The following ADAMTSL1 variants were observed in gnomAD, a reference collection of about 807,000 sequenced individuals.
ADAMTSL1 encodes the protein ADAMTS like 1.
Under a neutral mutation model 201.8 loss-of-function variants are expected in ADAMTSL1, and 126 were observed. The observed-to-expected ratio is 0.62, with a 90% CI of 0.54 to 0.72. ADAMTSL1 has a LOEUF of 0.72. Among genes scored for constraint, ADAMTSL1 ranks in the 30% least tolerant of loss-of-function variants. ADAMTSL1 has a pLI of 0.00. For missense variants in ADAMTSL1, 2,679 were observed against 2,277.8 expected, an observed-to-expected ratio of 1.18 and a Z score of -3.59; for synonymous variants, 1,121 against 903.4, an observed-to-expected ratio of 1.24 and a Z score of -4.32.
chr9:18,900,463 A>AAGAT (rs58338904), intron 26 of ADAMTSL1, among the ~76,000 whole-genome samples: 16,968 of 152,172 alleles, frequency 0.11, 1,101 homozygotes, highest in East Asian at 0.2. Flanking sequence ...TTCTATTACA[A>AAGAT]AGATACATGC....
intron 2 of ADAMTSL1, among the ~76,000 whole-genome samples, chr9:18,377,646 T>A (rs1346449926): frequency 3.9e-5 from 6 of 152,174 alleles, no homozygotes; most frequent in Non-Finnish European, 7.4e-5. Flanking sequence ...TTTGGCTCAC[T>A]GCAACCTCCA....
At chr9:18,791,803 C>G (rs920737283) in intron 19 of ADAMTSL1, among the ~76,000 whole-genome samples, 1 of 152,168 alleles carries the variant, frequency 6.6e-6, no homozygotes, top group Non-Finnish European at 1.5e-5. Flanking sequence ...ATCTCATGAT[C>G]TACATGTCAC....
chr9:18,170,123 A>G (rs1317210659), intron 2 of ADAMTSL1, among the ~76,000 whole-genome samples: 4 of 152,058 alleles, frequency 2.6e-5, no homozygotes, highest in Non-Finnish European at 4.4e-5. Flanking sequence ...CCTGTATTTT[A>G]CAAGACTTAC....
intron 20 of ADAMTSL1, among the ~76,000 whole-genome samples, chr9:18,807,229 G>A (rs555950368): frequency 4.3e-4 from 66 of 152,096 alleles, no homozygotes; most frequent in Non-Finnish European, 6.6e-4. Flanking sequence ...CTCTCATTCA[G>A]CTATAACACA....
At chr9:18,605,008 T>G (rs1217191818) in intron 4 of ADAMTSL1, among the ~76,000 whole-genome samples, 1 of 152,162 alleles carries the variant, frequency 6.6e-6, no homozygotes, top group Non-Finnish European at 1.5e-5. Flanking sequence ...TTAAAAGACA[T>G]GCTCACTGTA....
chr9:18,509,236 A>AAAAAATT (rs1817875053), intron 2 of ADAMTSL1, among the ~76,000 whole-genome samples: 1 of 129,818 alleles, frequency 7.7e-6, no homozygotes, highest in African/African-American at 2.8e-5. Flanking sequence ...AAAAAAAGAA[A>AAAAAATT]TAGATATGTT....
intron 28 of ADAMTSL1, 140 bp from the exon 29 acceptor site, chr9:18,908,302 G>C: frequency 2.8e-6 from 2 of 712,806 alleles, no homozygotes; most frequent in Middle Eastern, 3.8e-4. Context: ...AGTTAGGCTG[G>C]AGAGCGGTGG....
intron 1 of ADAMTSL1, among the ~76,000 whole-genome samples, chr9:18,079,673 C>G (rs1823392863): frequency 6.8e-6 from 1 of 148,126 alleles, no homozygotes; most frequent in Non-Finnish European, 1.5e-5. Context: ...CAGAGCGAGA[C>G]TCTGTCTCAA....
intron 2 of ADAMTSL1, among the ~76,000 whole-genome samples, chr9:18,204,785 A>C (rs950284812): frequency 6.6e-6 from 1 of 152,142 alleles, no homozygotes. Context: ...CAAAGGCAGC[A>C]ATCTGGTTGC....
intron 1 of ADAMTSL1, among the ~76,000 whole-genome samples, chr9:18,480,648 C>A (rs1270628451): frequency 6.6e-6 from 1 of 152,168 alleles, no homozygotes; most frequent in Non-Finnish European, 1.5e-5. Flanking sequence ...AATTTAGATG[C>A]TATACATGCC....
chr9:18,423,138 A>G (rs1819039294), intron 2 of ADAMTSL1, among the ~76,000 whole-genome samples: 1 of 152,216 alleles, frequency 6.6e-6, no homozygotes, highest in South Asian at 2.1e-4. Flanking sequence ...TAAAGGCCCC[A>G]AGGGATTACT....
intron 1 of ADAMTSL1, among the ~76,000 whole-genome samples, chr9:18,093,902 G>A (rs573735531): frequency 1.8e-4 from 28 of 152,174 alleles, no homozygotes; most frequent in Non-Finnish European, 3.1e-4. Context: ...GAAGGTCATT[G>A]TGCAATGGAG....
At chr9:18,315,422 G>A (rs1176597976) in intron 2 of ADAMTSL1, among the ~76,000 whole-genome samples, 1 of 151,398 alleles carries the variant, frequency 6.6e-6, no homozygotes, top group East Asian at 1.9e-4. Flanking sequence ...CCGTGTGGGA[G>A]CCCAAGGGGG....
intron 1 of ADAMTSL1, among the ~76,000 whole-genome samples, chr9:18,126,280 A>T (rs1285592544): frequency 6.6e-6 from 1 of 152,162 alleles, no homozygotes; most frequent in Non-Finnish European, 1.5e-5. Context: ...CACCATCCAG[A>T]TCAAGTATCC....
At chr9:18,765,965 C>G (rs1056564919) in intron 16 of ADAMTSL1, among the ~76,000 whole-genome samples, 2 of 152,082 alleles carry the variant, frequency 1.3e-5, no homozygotes, top group Non-Finnish European at 2.9e-5. Flanking sequence ...ACATGAAGAT[C>G]TAAGAGAAGA....
intron 23 of ADAMTSL1, among the ~76,000 whole-genome samples, chr9:18,868,263 C>G (rs1318838219): frequency 6.6e-6 from 1 of 152,162 alleles, no homozygotes; most frequent in Non-Finnish European, 1.5e-5. Flanking sequence ...AGATCCTTGT[C>G]TACCAATTCC....
intron 1 of ADAMTSL1, 60 bp downstream of exon 1, chr9:18,474,355 G>T (rs1226723306): frequency 1.4e-6 from 2 of 1,454,330 alleles, no homozygotes; most frequent in Non-Finnish European, 1.9e-6. Flanking sequence ...GCTGTTGGGG[G>T]TGTGTGTGTG....
intron 1 of ADAMTSL1, among the ~76,000 whole-genome samples, chr9:18,487,304 C>T (rs968021925): frequency 5.3e-5 from 8 of 152,176 alleles, no homozygotes; most frequent in South Asian, 4.1e-4. Flanking sequence ...TAATTATAAA[C>T]GAATAGTCTC....
intron 2 of ADAMTSL1, among the ~76,000 whole-genome samples, chr9:18,359,770 G>A (rs1039940383): frequency 6.7e-6 from 1 of 149,894 alleles, no homozygotes; most frequent in East Asian, 2.0e-4. Context: ...TTATTAAAGT[G>A]TTGGCATTAC....
Sources: allele counts gnomAD v4.1 joint callset (sites outside exome capture counted in the v4.1 genomes callset), GRCh38; gene constraint gnomAD v4.1.1; transcripts MANE v1.5; gene names NCBI Gene and HGNC (gene_info 2026-07-23, HGNC 2026-07-21).